Variants in AKAP13 observed in about 807,000 individuals in gnomAD.
AKAP13 encodes the protein A-kinase anchoring protein 13.
In AKAP13, 80 loss-of-function variants were observed where a neutral mutation model predicts 264.5. The ratio of observed to expected loss-of-function variants is 0.30; its 90% confidence interval spans 0.25 to 0.36. The LOEUF is 0.36. AKAP13 is among the 10% of genes least tolerant of loss of function. The pLI, the probability that AKAP13 is intolerant of heterozygous loss-of-function variation, is 1.00. For missense variants in AKAP13, 3,712 were observed against 3,435.2 expected, an observed-to-expected ratio of 1.08 and a Z score of -2.01; for synonymous variants, 1,380 against 1,250.2, an observed-to-expected ratio of 1.10 and a Z score of -2.19.
chr15:85,383,302 A>G (rs1398036995), intron 1 of AKAP13, among the ~76,000 whole-genome samples: 2 of 152,192 alleles, frequency 1.3e-5, no homozygotes, highest in African/African-American at 4.8e-5. Context: ...GGAACTAGGT[A>G]GCGTTCAGAT....
intron 2 of AKAP13, among the ~76,000 whole-genome samples, chr15:85,519,902 T>C (rs4842888): frequency 0.52 from 79,488 of 152,010 alleles, 21,238 homozygotes; most frequent in Middle Eastern, 0.62. Flanking sequence ...TTGGCTTTAA[T>C]TGTTGCTAAA....
intron 2 of AKAP13, among the ~76,000 whole-genome samples, chr15:85,511,916 A>G (rs967419225): frequency 3.3e-5 from 5 of 152,000 alleles, no homozygotes; most frequent in Non-Finnish European, 7.4e-5. Context: ...TTTTCTCCAA[A>G]TGGTTTCTTT....
intron 11 of AKAP13, among the ~76,000 whole-genome samples, chr15:85,657,936 T>C (rs956632480): frequency 4.6e-5 from 7 of 152,182 alleles, no homozygotes; most frequent in African/African-American, 1.7e-4. Flanking sequence ...GAGCTACATG[T>C]GACTGTGTCT....
rs375323361 is a variant in AKAP13, at chr15:85,741,198, G to A, written c.7761G>A (p.Leu2587=). ...LEKQRQDLAN[L]QKQQAQYLEE... Reference sequence around the variant, plus strand: ...AGCAGCGCCAGGACCTGGCCAACCTGCAGAAGCAGCAGGCCCAGTACCTCG... The same window carrying A: ...AGCAGCGCCAGGACCTGGCCAACCTACAGAAGCAGCAGGCCCAGTACCTCG... Residue 2587 remains leucine (L), a synonymous_variant, in exon 35 of 37, where the codon CTG becomes CTA. Transcript: ENST00000394518. 2.9e-4 allele frequency: 459 copies of A among 1,610,470 alleles called. 2 individuals are homozygous for A. The highest frequency in any genetic ancestry group is 4.9e-4 in the Admixed American group (29 of 59,366).
At chr15:85,734,640 A>C (rs1160587297) in intron 30 of AKAP13, among the ~76,000 whole-genome samples, 1 of 152,198 alleles carries the variant, frequency 6.6e-6, no homozygotes, top group Non-Finnish European at 1.5e-5. Flanking sequence ...TGACTGTTTT[A>C]CTTGCTGTTC....
At chr15:85,740,982 G>A in intron 34 of AKAP13, 64 bp from the exon 35 acceptor site, 4 of 1,542,582 alleles carry the variant, frequency 2.6e-6, no homozygotes, top group Non-Finnish European at 2.6e-6. Flanking sequence ...GGGGTCGGGA[G>A]GGATCCAGAA....
intron 4 of AKAP13, among the ~76,000 whole-genome samples, chr15:85,540,234 C>T (rs916432268): frequency 1.3e-5 from 2 of 152,146 alleles, no homozygotes; most frequent in African/African-American, 4.8e-5. Flanking sequence ...GCTCCACAGG[C>T]ACAGGCTAGT....
intron 1 of AKAP13, among the ~76,000 whole-genome samples, chr15:85,388,148 G>A (rs1052054303): frequency 7.9e-5 from 12 of 151,564 alleles, no homozygotes; most frequent in Non-Finnish European, 1.5e-4. Context: ...TGATTCTCGT[G>A]CCTCAGCCTC....
At chr15:85,396,012 A>G (rs1360829596) in intron 1 of AKAP13, among the ~76,000 whole-genome samples, 2 of 81,160 alleles carry the variant, frequency 2.5e-5, no homozygotes, top group Admixed American at 1.3e-4. Flanking sequence ...ATTTTTGACT[A>G]TACATACATA....
intron 8 of AKAP13, chr15:85,619,274 G>A (rs1333604132): frequency 1.4e-6 from 1 of 715,060 alleles, no homozygotes; most frequent in African/African-American, 1.9e-5. Flanking sequence ...CAAGGCTGCG[G>A]GTGCGGAGCT....
At chr15:85,400,092 C>G (rs578174088) in intron 1 of AKAP13, among the ~76,000 whole-genome samples, 8 of 152,290 alleles carry the variant, frequency 5.3e-5, no homozygotes, top group African/African-American at 1.9e-4. Flanking sequence ...AGCCACTGCG[C>G]CTGACTGTTA....
At chr15:85,497,904 AGT>A (rs1453956916) in intron 2 of AKAP13, among the ~76,000 whole-genome samples, 2 of 152,162 alleles carry the variant, frequency 1.3e-5, no homozygotes, top group East Asian at 3.9e-4. Flanking sequence ...GAAGGAGAGC[AGT>A]GAGGGGCTGT....
intron 2 of AKAP13, 88 bp from the exon 3 acceptor site, chr15:85,521,340 A>G: frequency 6.7e-7 from 1 of 1,487,288 alleles, no homozygotes; most frequent in South Asian, 1.3e-5. Context: ...GATAAATTTG[A>G]TTTTCCCTTA....
intron 13 of AKAP13, among the ~76,000 whole-genome samples, chr15:85,669,325 A>G (rs1009289352): frequency 3.3e-5 from 5 of 152,246 alleles, no homozygotes; most frequent in African/African-American, 1.2e-4. Flanking sequence ...AGATTTTCAA[A>G]GAACAAGTAT....
At chr15:85,577,759 A>G in intron 6 of AKAP13, 1 of 969,898 alleles carries the variant, frequency 1.0e-6, no homozygotes, top group Non-Finnish European at 1.2e-6. Context: ...GATTTTATCA[A>G]AAGGTGAAAG....
intron 8 of AKAP13, among the ~76,000 whole-genome samples, chr15:85,594,528 A>G (rs1312481071): frequency 1.3e-5 from 2 of 152,238 alleles, no homozygotes; most frequent in Admixed American, 6.5e-5. Flanking sequence ...TGTATCAGAA[A>G]TATAGGCTTG....
At chr15:85,680,922 A>G (rs2084559569) in intron 14 of AKAP13, among the ~76,000 whole-genome samples, 2 of 152,082 alleles carry the variant, frequency 1.3e-5, no homozygotes, top group Admixed American at 6.5e-5. Context: ...GGTTCAAGCA[A>G]TTCTCCTGCC....
At chr15:85,669,492 A>C (rs546329563) in intron 13 of AKAP13, among the ~76,000 whole-genome samples, 2 of 152,228 alleles carry the variant, frequency 1.3e-5, no homozygotes, top group Non-Finnish European at 2.9e-5. Flanking sequence ...CCCATTTTAC[A>C]GATGAGAAAA....
At chr15:85,674,732 C>T (rs2084122875) in intron 14 of AKAP13, among the ~76,000 whole-genome samples, 1 of 152,116 alleles carries the variant, frequency 6.6e-6, no homozygotes, top group Admixed American at 6.5e-5. Context: ...AGGTGGGCCT[C>T]TGGAAAGTTA....
Sources: allele counts gnomAD v4.1 joint callset (sites outside exome capture counted in the v4.1 genomes callset), GRCh38; gene constraint gnomAD v4.1.1; transcripts MANE v1.5; gene names NCBI Gene and HGNC (gene_info 2026-07-23, HGNC 2026-07-21).